ZC3HAV1: variants seen among roughly 807,000 people sequenced by gnomAD.
ZC3HAV1 encodes zinc finger CCCH-type containing, antiviral 1, also known as zinc finger CCCH-type antiviral protein 1.
ZC3HAV1 carries 41 observed loss-of-function variants against 86.6 expected under a neutral mutation model. That is an observed-to-expected ratio of 0.47 (90% CI 0.37 to 0.61). The LOEUF (loss-of-function observed/expected upper bound fraction) is 0.61, where lower values mean the gene tolerates loss of function less well. Ranked by LOEUF, ZC3HAV1 falls within the 20% of genes least tolerant of loss-of-function variation. ZC3HAV1 has a pLI of 0.00. For missense variants in ZC3HAV1, 964 were observed against 1,141.1 expected (o/e 0.84, Z 2.24); for synonymous variants, 421 against 432.1 (o/e 0.97, Z 0.32).
chr7:139,103,249 T>C (rs1817829614), intron 1 of ZC3HAV1, among the ~76,000 whole-genome samples: 1 of 149,776 alleles, frequency 6.7e-6, no homozygotes, highest in South Asian at 2.1e-4. Context: ...TTATTTTACT[T>C]GTTTTTTATT....
At chr7:139,096,132 A>C (rs1441092100) in intron 1 of ZC3HAV1, among the ~76,000 whole-genome samples, 2 of 152,108 alleles carry the variant, frequency 1.3e-5, no homozygotes. Context: ...CTCCTGCCTC[A>C]GCCTCCCGAG....
At chr7:139,053,719 A>G (rs1176368279) in intron 11 of ZC3HAV1, 138 bp from the exon 12 acceptor site, 30 of 1,213,392 alleles carry the variant, frequency 2.5e-5, no homozygotes, top group Non-Finnish European at 3.3e-5. Context: ...ACTTTAAGGC[A>G]GCAGCTGTAC....
intron 1 of ZC3HAV1, among the ~76,000 whole-genome samples, chr7:139,107,838 G>C (rs1817979523): frequency 6.6e-6 from 1 of 152,160 alleles, no homozygotes. Context: ...TTAAGAATGG[G>C]CCAAGTGTAA....
chr7:139,091,353 A>T (rs536637742), intron 1 of ZC3HAV1, among the ~76,000 whole-genome samples: 1 of 152,118 alleles, frequency 6.6e-6, no homozygotes, highest in Non-Finnish European at 1.5e-5. Context: ...CTGTGGTCCC[A>T]GTTACTCGGG....
At chr7:139,077,282 C>T (rs370046994) in intron 5 of ZC3HAV1, among the ~76,000 whole-genome samples, 101 of 152,322 alleles carry the variant, frequency 6.6e-4, no homozygotes, top group African/African-American at 2.2e-3. Context: ...CTCACTCTGT[C>T]GCCCAGGCTG....
chr7:139,094,053 A>G (rs1487400527), intron 1 of ZC3HAV1, among the ~76,000 whole-genome samples: 2 of 152,150 alleles, frequency 1.3e-5, no homozygotes, highest in Admixed American at 6.5e-5. Flanking sequence ...TCCCTAGGCC[A>G]ACATCATCAG....
intron 10 of ZC3HAV1, among the ~76,000 whole-genome samples, chr7:139,054,981 G>T (rs1168283193): frequency 6.6e-6 from 1 of 152,078 alleles, no homozygotes; most frequent in Non-Finnish European, 1.5e-5. Context: ...GTAGAGACAG[G>T]GTTTCACCGT....
In ZC3HAV1 at chr7:139,109,051, C is replaced by T. The variant is rs778394094; in HGVS notation, c.281G>A (p.Gly94Asp). The T allele has an allele frequency of 1.9e-6, 3 of 1,581,764 alleles. No individual in the cohort carries two copies. The highest frequency in any genetic ancestry group is 2.3e-5 in the South Asian group (2 of 87,418). ...NLHLCKLNLL[G>D]RCNYSQSERN... ...CTCGGACTGCGAATAGTTGCACCGG[C>T]CCAGCAAGTTGAGTTTGCAGAGATG... is the stretch of plus-strand genomic sequence containing the variant. Residue 94 changes from glycine to aspartate, a missense_variant, in exon 1 of 13, where the codon GGC becomes GAC. Gly to Asp is a moderately conservative substitution (Grantham distance 94). Transcript: ENST00000242351.
Position 139,081,124 on chromosome 7 carries a change from G to A in ZC3HAV1, c.698-881C>T, listed in dbSNP as rs73469310. Among the ~76,000 whole-genome samples, 41 of 152,282 alleles carry A rather than the reference G, an allele frequency of 2.7e-4. 1 individual carries two copies. The South Asian group carries it at 7.3e-3, about 27-fold the overall frequency. ...GGAGTTAGGGTGTGTTTGTGAGCGC[G>A]TGTGGAGTGTGTGTGGCGTGCATGC... On this transcript the variant is annotated intron_variant, in intron 3 of 12. Coordinates refer to ENST00000242351, the MANE Select transcript of ZC3HAV1 (RefSeq NM_020119.4).
At chr7:139,083,110 G>A (rs1817173417) in intron 3 of ZC3HAV1, among the ~76,000 whole-genome samples, 1 of 152,158 alleles carries the variant, frequency 6.6e-6, no homozygotes, top group Middle Eastern at 3.4e-3. Context: ...TACATAGAGA[G>A]AAAGAAAGTG....
chr7:139,091,991 G>C (rs184559790), intron 1 of ZC3HAV1, among the ~76,000 whole-genome samples: 34 of 152,216 alleles, frequency 2.2e-4, no homozygotes, highest in Non-Finnish European at 3.8e-4. Context: ...GAAGGGGCTA[G>C]ATTTTCTTTT....
At chr7:139,075,170 A>C (rs2130699205) in intron 6 of ZC3HAV1, among the ~76,000 whole-genome samples, 1 of 152,216 alleles carries the variant, frequency 6.6e-6, no homozygotes, top group East Asian at 1.9e-4. Context: ...AGGTTGAGAA[A>C]CCCGGCTCTC....
At chr7:139,087,825 T>C (rs1208828929) in intron 2 of ZC3HAV1, among the ~76,000 whole-genome samples, 1 of 151,758 alleles carries the variant, frequency 6.6e-6, no homozygotes, top group Non-Finnish European at 1.5e-5. Context: ...GCTCAGGAGT[T>C]CGAGACCAGC....
intron 12 of ZC3HAV1, 52 bp downstream of exon 12, chr7:139,053,399 T>A (rs1035070941): frequency 2.4e-5 from 36 of 1,498,420 alleles, no homozygotes; most frequent in Non-Finnish European, 1.8e-6. Flanking sequence ...GAAGCACATA[T>A]AAAGCCCGAG....
intron 1 of ZC3HAV1, among the ~76,000 whole-genome samples, chr7:139,099,734 C>T (rs1584873275): frequency 6.6e-6 from 1 of 152,156 alleles, no homozygotes. Context: ...CAAGAGCAGC[C>T]TGGCCAATGT....
Position 139,046,897 on chromosome 7 carries a change from A to C in ZC3HAV1, c.*697T>G, listed in dbSNP as rs957613598. 1 of 152,276 alleles carries C rather than the reference A, an allele frequency of 6.6e-6. No individual in the cohort carries two copies. The highest frequency in any genetic ancestry group is 2.1e-4 in the South Asian group (1 of 4,830). 9.4% of individuals were successfully genotyped at this position (152,276 alleles called of 1,614,324 possible). The stretch of plus-strand genomic sequence containing the variant: ...AATGTAACCAAAACAAAACCATGGC[A>C]TACAGTAAACTAAAAGGGTAGACAG... On this transcript the variant is annotated 3_prime_UTR_variant, in exon 13 of 13. Coordinates refer to ENST00000242351, the MANE Select transcript of ZC3HAV1 (RefSeq NM_020119.4).
rs1818052162 is a variant in ZC3HAV1 at position 139,109,660 on chromosome 7, A to G, written c.-329T>C. On this transcript the variant is annotated 5_prime_UTR_variant, in exon 1 of 13. Transcript: ENST00000242351. ...CCCCCTCTCGGTTCTAGGCTCGGCG[A>G]GGGTGAGGTTCTCCAGCCGGGCTCC... The G allele has an allele frequency of 3.8e-6, 1 of 262,564 alleles. No individual in the cohort carries two copies. The highest frequency in any genetic ancestry group is 7.2e-6 in the Non-Finnish European group (1 of 138,204). The allele number at this position is 262,564 out of a possible 1,614,324, so 16.3% of individuals were successfully genotyped here.
At chr7:139,088,323 G>T (rs974070204) in intron 2 of ZC3HAV1, among the ~76,000 whole-genome samples, 2 of 152,136 alleles carry the variant, frequency 1.3e-5, no homozygotes, top group African/African-American at 2.4e-5. Context: ...TAGACACATG[G>T]TTACCCAGAC....
intron 7 of ZC3HAV1, among the ~76,000 whole-genome samples, chr7:139,069,298 C>T (rs1198714808): frequency 2.0e-5 from 3 of 152,216 alleles, no homozygotes; most frequent in Non-Finnish European, 4.4e-5. Flanking sequence ...TTATTCCCCA[C>T]AAGACTTGAA....
Sources: gnomAD v4.1 joint callset for allele counts (sites outside exome capture counted in the v4.1 genomes callset) on GRCh38, gnomAD v4.1.1 for gene constraint, MANE v1.5 for transcripts, NCBI Gene and HGNC (gene_info 2026-07-23, HGNC 2026-07-21) for gene names.